The following FBXW10B variants were observed in gnomAD, a reference collection of about 807,000 sequenced individuals.
FBXW10B encodes the protein F-box and WD repeat domain containing protein 10B.
At chr17:15,605,520 A>C in the FBXW10B span, 1 of 1,361,990 alleles carries the variant, frequency 7.3e-7, no homozygotes, top group Non-Finnish European at 9.8e-7. Context: ...GCAGTGGTGT[A>C]AAGGAAAATC....
chr17:15,612,577 T>G, the FBXW10B span: 1 of 1,390,456 alleles, frequency 7.2e-7, no homozygotes, highest in Non-Finnish European at 9.8e-7. Flanking sequence ...CTCGTCTTCC[T>G]TAAGGAGTGT....
At chr17:15,593,178 C>T in the FBXW10B span, 1 of 467,074 alleles carries the variant, frequency 2.1e-6, no homozygotes, top group Admixed American at 6.4e-5. Flanking sequence ...TGTTAGTCCC[C>T]ACCACAAGAC....
chr17:15,595,233 G>A, the FBXW10B span, among the ~76,000 whole-genome samples: 1,818 of 152,194 alleles, frequency 0.012, 28 homozygotes, highest in African/African-American at 0.041. Flanking sequence ...CCAGCCACTC[G>A]GGTGGCTGAG....
At chr17:15,594,975 A>G in the FBXW10B span, 1 of 1,570,786 alleles carries the variant, frequency 6.4e-7, no homozygotes, top group South Asian at 1.2e-5. Flanking sequence ...TGAATCCCAA[A>G]GCCACCCCCC....
the FBXW10B span, among the ~76,000 whole-genome samples, chr17:15,612,449 G>T: frequency 6.6e-6 from 1 of 152,006 alleles, no homozygotes; most frequent in African/African-American, 2.4e-5. Context: ...GGGAGGCGGA[G>T]CTTGCAGTGA....
the FBXW10B span, among the ~76,000 whole-genome samples, chr17:15,595,499 T>C: frequency 6.6e-6 from 1 of 152,134 alleles, no homozygotes; most frequent in Non-Finnish European, 1.5e-5. Flanking sequence ...ACTACCTTCT[T>C]GGAGCACTAG....
the FBXW10B span, among the ~76,000 whole-genome samples, chr17:15,614,316 G>A: frequency 5.3e-5 from 8 of 151,962 alleles, no homozygotes; most frequent in Non-Finnish European, 4.4e-5. Flanking sequence ...AGCCTCCTGA[G>A]TAGCTGGGAC....
At chr17:15,605,733 AT>A in the FBXW10B span, among the ~76,000 whole-genome samples, 2,317 of 152,234 alleles carry the variant, frequency 0.015, 64 homozygotes, top group African/African-American at 0.054. Flanking sequence ...CCCGGATTTA[AT>A]TGATCACGGA....
the FBXW10B span, among the ~76,000 whole-genome samples, chr17:15,614,383 G>A: frequency 3.3e-5 from 5 of 151,554 alleles, no homozygotes; most frequent in East Asian, 1.9e-4. Flanking sequence ...TTTAGTAGAG[G>A]CGGGGTTTCA....
chr17:15,595,033 T>A, the FBXW10B span: 2 of 1,293,068 alleles, frequency 1.5e-6, no homozygotes, highest in Non-Finnish European at 2.1e-6. Flanking sequence ...GAGCTAATCC[T>A]GCTTTTGCTC....
chr17:15,575,756 G>A, the FBXW10B span, among the ~76,000 whole-genome samples: 1 of 151,710 alleles, frequency 6.6e-6, no homozygotes, highest in Non-Finnish European at 1.5e-5. Context: ...TTTCCCTGGG[G>A]CAAAGGAAAG....
At chr17:15,581,236 T>A in the FBXW10B span, among the ~76,000 whole-genome samples, 6 of 152,352 alleles carry the variant, frequency 3.9e-5, no homozygotes, top group South Asian at 1.2e-3. Context: ...TGCTTAGTTA[T>A]GGTTCCATGA....
chr17:15,594,428 C>T, the FBXW10B span: 153 of 261,030 alleles, frequency 5.9e-4, 1 homozygote, highest in Middle Eastern at 1.4e-3. Flanking sequence ...GCCAAGATTG[C>T]GCCACTGCAC....
the FBXW10B span, among the ~76,000 whole-genome samples, chr17:15,583,754 G>A: frequency 6.6e-6 from 1 of 152,038 alleles, no homozygotes; most frequent in Non-Finnish European, 1.5e-5. Flanking sequence ...CAACAAATGA[G>A]CCTGAGTATA....
the FBXW10B span, among the ~76,000 whole-genome samples, chr17:15,586,417 GCTTTGATAAGGGCT>G: frequency 6.6e-6 from 1 of 151,458 alleles, no homozygotes; most frequent in Non-Finnish European, 1.5e-5. Context: ...AATTCATGTT[GCTTTGATAAGGGCT>G]CTTTTCAAAC....
the FBXW10B span, chr17:15,607,444 G>A: frequency 0.16 from 105,869 of 674,760 alleles, 11,638 homozygotes; most frequent in East Asian, 0.41. Context: ...GATCATGTGC[G>A]AGTTTAGGGC....
the FBXW10B span, chr17:15,618,964 T>C: frequency 1.2e-5 from 19 of 1,593,806 alleles, no homozygotes; most frequent in East Asian, 4.0e-4. Context: ...CCTTGCCTTC[T>C]GGTCTTCGGG....
the FBXW10B span, among the ~76,000 whole-genome samples, chr17:15,608,948 T>C: frequency 1.3e-5 from 2 of 151,782 alleles, no homozygotes; most frequent in African/African-American, 4.8e-5. Context: ...TTTCTTTATT[T>C]CCTTCCTGCC....
chr17:15,616,683 C>G, the FBXW10B span, among the ~76,000 whole-genome samples: 1 of 151,724 alleles, frequency 6.6e-6, no homozygotes, highest in Admixed American at 6.6e-5. Flanking sequence ...GTGGCAGGCA[C>G]CTGTAGTCCC....
Sources: gnomAD v4.1 joint callset for allele counts (sites outside exome capture counted in the v4.1 genomes callset) on GRCh38, gnomAD v4.1.1 for gene constraint, MANE v1.5 for transcripts, NCBI Gene and HGNC (gene_info 2026-07-23, HGNC 2026-07-21) for gene names.